Variants in SH3GL2 observed in about 807,000 individuals in gnomAD.
SH3GL2 encodes endophilin-A1.
Under a neutral mutation model 46.0 loss-of-function variants are expected in SH3GL2, and 24 were observed. The observed-to-expected ratio is 0.52, with a 90% CI of 0.38 to 0.73. SH3GL2 has a LOEUF of 0.73. SH3GL2 is among the 30% of genes least tolerant of loss of function. SH3GL2 has a pLI of 0.00. For synonymous variants in SH3GL2, 196 were observed against 147.1 expected (o/e 1.33, Z -2.40); for missense variants, 413 against 424.2 (o/e 0.97, Z 0.23).
chr9:17,621,205 C>T (rs1424793479), intron 1 of SH3GL2, among the ~76,000 whole-genome samples: 1 of 152,132 alleles, frequency 6.6e-6, no homozygotes, highest in Non-Finnish European at 1.5e-5. Context: ...TGCCATTTTC[C>T]TTCATTGTAG....
At chr9:17,697,379 A>G (rs1821230524) in intron 1 of SH3GL2, among the ~76,000 whole-genome samples, 1 of 151,460 alleles carries the variant, frequency 6.6e-6, no homozygotes, top group African/African-American at 2.4e-5. Context: ...GCACGCCACC[A>G]TGCCTGGCTA....
At chr9:17,706,064 A>G (rs1462075498) in intron 1 of SH3GL2, among the ~76,000 whole-genome samples, 2 of 152,088 alleles carry the variant, frequency 1.3e-5, no homozygotes, top group Non-Finnish European at 2.9e-5. Flanking sequence ...GTATTAGTCG[A>G]TGATATCAAA....
chr9:17,669,023 T>C (rs149328013), intron 1 of SH3GL2, among the ~76,000 whole-genome samples: 1 of 152,342 alleles, frequency 6.6e-6, no homozygotes, highest in East Asian at 1.9e-4. Flanking sequence ...ATATACTAAA[T>C]TTGCATATGT....
intron 1 of SH3GL2, among the ~76,000 whole-genome samples, chr9:17,732,679 A>G (rs775813481): frequency 3.3e-5 from 5 of 152,150 alleles, no homozygotes; most frequent in Non-Finnish European, 7.4e-5. Flanking sequence ...ATATGATTCA[A>G]TAGGCCTATA....
At chr9:17,705,757 A>G (rs1378516252) in intron 1 of SH3GL2, among the ~76,000 whole-genome samples, 1 of 151,978 alleles carries the variant, frequency 6.6e-6, no homozygotes, top group Non-Finnish European at 1.5e-5. Context: ...CATTCAGTAC[A>G]CATGGACACA....
At chr9:17,703,843 C>T (rs751048327) in intron 1 of SH3GL2, among the ~76,000 whole-genome samples, 8 of 151,936 alleles carry the variant, frequency 5.3e-5, no homozygotes, top group African/African-American at 9.7e-5. Flanking sequence ...CCACAGCCAG[C>T]ATCATACTGA....
chr9:17,585,999 A>G lies in SH3GL2; in HGVS notation c.45+6712A>G, dbSNP rs1159694580. On this transcript the variant is annotated intron_variant, in intron 1 of 8. Transcript: ENST00000380607. ...TGATGTACATGGTATCCGATGGATA[A>G]TAAAGACTAAAGAGAGCTATAACTA... Among the ~76,000 whole-genome samples, 66 of 152,238 alleles carry G rather than the reference A, an allele frequency of 4.3e-4. 2 individuals carry two copies. The highest frequency in any genetic ancestry group is 4.2e-3 in the Admixed American group (64 of 15,286).
At chr9:17,723,654 C>G (rs540506094) in intron 1 of SH3GL2, among the ~76,000 whole-genome samples, 127 of 152,252 alleles carry the variant, frequency 8.3e-4, no homozygotes, top group African/African-American at 2.9e-3. Flanking sequence ...CTTCATGACT[C>G]TGTCTCAGAA....
intron 1 of SH3GL2, chr9:17,653,884 A>G (rs1380448890): frequency 4.1e-6 from 4 of 975,274 alleles, no homozygotes; most frequent in African/African-American, 1.8e-5. Flanking sequence ...TGCAGAAGGT[A>G]TGTGATGACC....
intron 1 of SH3GL2, among the ~76,000 whole-genome samples, chr9:17,622,225 T>TA (rs1242770458): frequency 6.6e-6 from 1 of 152,072 alleles, no homozygotes; most frequent in Admixed American, 6.5e-5. Flanking sequence ...GGTGGTACAT[T>TA]AAAAAAAAGT....
intron 1 of SH3GL2, among the ~76,000 whole-genome samples, chr9:17,743,601 C>CACACACACACACACACACACA (rs1554645790): frequency 6.9e-6 from 1 of 145,736 alleles, no homozygotes; most frequent in African/African-American, 2.7e-5. Context: ...CACACACACA[C>CACACACACACACACACACACA]CCCAAATAGT....
At chr9:17,603,929 C>A (rs1003906385) in intron 1 of SH3GL2, among the ~76,000 whole-genome samples, 1 of 152,056 alleles carries the variant, frequency 6.6e-6, no homozygotes, top group Non-Finnish European at 1.5e-5. Flanking sequence ...TATACACTTA[C>A]AAGTTAAGAT....
At chr9:17,584,629 A>G (rs1818338636) in intron 1 of SH3GL2, among the ~76,000 whole-genome samples, 2 of 152,230 alleles carry the variant, frequency 1.3e-5, no homozygotes, top group South Asian at 2.1e-4. Context: ...CTCTGCATTA[A>G]TTTAGCAGCA....
chr9:17,769,812 C>T (rs1162055374), intron 3 of SH3GL2, among the ~76,000 whole-genome samples: 2 of 152,136 alleles, frequency 1.3e-5, no homozygotes, highest in African/African-American at 2.4e-5. Context: ...AGAATCTTGT[C>T]TGTCTTATTT....
intron 1 of SH3GL2, among the ~76,000 whole-genome samples, chr9:17,602,592 T>C (rs1404001646): frequency 1.3e-5 from 2 of 152,098 alleles, no homozygotes; most frequent in Non-Finnish European, 2.9e-5. Context: ...CCGGATCCCA[T>C]GTAGACCTGG....
At chr9:17,756,590 C>G (rs1159165589) in intron 2 of SH3GL2, among the ~76,000 whole-genome samples, 4 of 150,838 alleles carry the variant, frequency 2.7e-5, no homozygotes, top group African/African-American at 9.8e-5. Context: ...GTTTTTTGTC[C>G]TTGCAATAGT....
intron 1 of SH3GL2, among the ~76,000 whole-genome samples, chr9:17,661,085 C>T (rs1169113927): frequency 1.3e-5 from 2 of 152,128 alleles, no homozygotes; most frequent in African/African-American, 4.8e-5. Flanking sequence ...TCGCTTGAAC[C>T]TGGGAGGCAG....
intron 7 of SH3GL2, among the ~76,000 whole-genome samples, 162 bp downstream of exon 7, chr9:17,791,496 T>C (rs1824128996): frequency 1.3e-5 from 2 of 152,218 alleles, no homozygotes; most frequent in South Asian, 4.1e-4. Flanking sequence ...TTTTTTCTTG[T>C]GCTTTGTTTT....
intron 1 of SH3GL2, among the ~76,000 whole-genome samples, chr9:17,723,639 C>G (rs1162640450): frequency 6.6e-6 from 1 of 152,114 alleles, no homozygotes; most frequent in Non-Finnish European, 1.5e-5. Context: ...CAAACAACAT[C>G]TTTTCTTCAT....
Sources: gnomAD v4.1 joint callset for allele counts (sites outside exome capture counted in the v4.1 genomes callset) on GRCh38, gnomAD v4.1.1 for gene constraint, MANE v1.5 for transcripts, NCBI Gene and HGNC (gene_info 2026-07-23, HGNC 2026-07-21) for gene names.